Variants in CADM2 observed in about 807,000 individuals in gnomAD.
CADM2 encodes the protein cell adhesion molecule 2, also known as immunoglobulin superfamily member 4D.
CADM2 carries 12 observed loss-of-function variants against 49.8 expected under a neutral mutation model. That is an observed-to-expected ratio of 0.24 (90% CI 0.15 to 0.39). CADM2 has a LOEUF of 0.39. Ranked by LOEUF, CADM2 falls within the 10% of genes least tolerant of loss-of-function variation. The pLI, the probability that CADM2 is intolerant of heterozygous loss-of-function variation, is 1.00. For missense variants in CADM2, 378 were observed against 492.3 expected (o/e 0.77, Z 2.20); for synonymous variants, 214 against 175.4 (o/e 1.22, Z -1.74).
chr3:85,979,324 A>G (rs1241583325), intron 8 of CADM2: 3 of 1,595,932 alleles, frequency 1.9e-6, no homozygotes, highest in Non-Finnish European at 2.6e-6. Flanking sequence ...AAGCACATTA[A>G]CTGGAGCTCT....
Position 85,419,136 on chromosome 3 carries a change from A to G in CADM2, c.62-307386A>G, listed in dbSNP as rs1388131433. The stretch of plus-strand genomic sequence containing the variant: ...CATTTAGACTAGCCACTCATTGCAC[A>G]ACATTGACCACATTCTTTGAATAAA... On this transcript the variant is annotated intron_variant, in intron 1 of 9. Coordinates refer to ENST00000383699, the MANE Select transcript of CADM2 (RefSeq NM_001167675.2). Among the ~76,000 whole-genome samples the G allele has an allele frequency of 2.0e-5, 3 of 152,246 alleles. No homozygotes were observed. The East Asian group carries it at 5.8e-4, about 29-fold the overall frequency.
intron 7 of CADM2, among the ~76,000 whole-genome samples, chr3:85,949,846 T>C (rs1723231913): frequency 6.6e-6 from 1 of 150,970 alleles, no homozygotes; most frequent in Non-Finnish European, 1.5e-5. Context: ...AAGGAAGTAA[T>C]GGGTTGTAAA....
chr3:85,416,458 C>T (rs376474756), intron 1 of CADM2, among the ~76,000 whole-genome samples: 3 of 152,134 alleles, frequency 2.0e-5, no homozygotes, highest in East Asian at 3.9e-4. Flanking sequence ...TATTAGAAAA[C>T]GTAAAAAATT....
chr3:85,406,670 A>G (rs974153324), intron 1 of CADM2, among the ~76,000 whole-genome samples: 1 of 152,100 alleles, frequency 6.6e-6, no homozygotes, highest in Non-Finnish European at 1.5e-5. Flanking sequence ...GTAAAATGGA[A>G]CTACCCTCTC....
chr3:85,864,418 G>A (rs1048914618), intron 3 of CADM2, among the ~76,000 whole-genome samples: 4 of 152,054 alleles, frequency 2.6e-5, no homozygotes, highest in African/African-American at 7.2e-5. Context: ...CCCTTCTTAA[G>A]TATTTCTTCA....
chr3:85,842,199 T>A (rs2074668743), intron 3 of CADM2, among the ~76,000 whole-genome samples: 1 of 151,992 alleles, frequency 6.6e-6, no homozygotes, highest in Non-Finnish European at 1.5e-5. Context: ...AGAAGGAAAA[T>A]CTGTTCTGCG....
intron 1 of CADM2, among the ~76,000 whole-genome samples, chr3:85,550,438 G>A (rs62253967): frequency 0.59 from 90,319 of 151,908 alleles, 28,329 homozygotes; most frequent in East Asian, 0.93. Flanking sequence ...CTACAATTGC[G>A]AATTCTCAGT....
chr3:85,225,343 A>T (rs901706908), intron 1 of CADM2, among the ~76,000 whole-genome samples: 1 of 152,134 alleles, frequency 6.6e-6, no homozygotes, highest in Non-Finnish European at 1.5e-5. Flanking sequence ...ATTCCTAGGT[A>T]TTTAATTCTC....
At chr3:85,757,834 T>C (rs1470982969) in intron 2 of CADM2, among the ~76,000 whole-genome samples, 1 of 152,132 alleles carries the variant, frequency 6.6e-6, no homozygotes, top group African/African-American at 2.4e-5. Flanking sequence ...AAATCTTTAA[T>C]GATTGACATT....
Position 85,448,258 on chromosome 3 carries a change from G to A in CADM2, c.62-278264G>A, listed in dbSNP as rs539025607. On this transcript the variant is annotated intron_variant, in intron 1 of 9. Coordinates refer to ENST00000383699, the MANE Select transcript of CADM2 (RefSeq NM_001167675.2). ...TGAGGCAGGAGAATGGCGAGAACCC[G>A]GAAGGCGGAGCTTGCAGTGAGCCGA... 5.7e-3 allele frequency among the ~76,000 whole-genome samples: 852 copies of A among 150,064 alleles called. 1 individual carries two copies. Among genetic ancestry groups the A allele is most frequent in the Non-Finnish European group, 9.4e-3 (634 of 67,804 alleles).
intron 1 of CADM2, among the ~76,000 whole-genome samples, chr3:84,991,524 C>T (rs542056203): frequency 3.3e-5 from 5 of 152,266 alleles, no homozygotes; most frequent in Admixed American, 3.3e-4. Context: ...TAGTCTTCTA[C>T]ACACATGTTA....
chr3:85,920,191 A>T (rs1718918187), intron 6 of CADM2, among the ~76,000 whole-genome samples: 1 of 151,894 alleles, frequency 6.6e-6, no homozygotes, highest in Non-Finnish European at 1.5e-5. Context: ...TCCAAGGAGC[A>T]TTCAAAATAA....
chr3:85,905,723 A>G (rs1173671460), intron 5 of CADM2, among the ~76,000 whole-genome samples: 2 of 152,182 alleles, frequency 1.3e-5, no homozygotes, highest in Non-Finnish European at 2.9e-5. Flanking sequence ...TATTTTATGA[A>G]TACATAATTT....
At chr3:85,154,553 G>A (rs1454238798) in intron 1 of CADM2, among the ~76,000 whole-genome samples, 1 of 151,834 alleles carries the variant, frequency 6.6e-6, no homozygotes, top group Non-Finnish European at 1.5e-5. Context: ...AATCTAGCAA[G>A]GCAGGCCAAC....
At position 86,071,963 on chromosome 3, in the gene CADM2, T is replaced by A. The variant is rs546474363; in HGVS notation, c.*5180T>A. ...TTAAGTAAAAATCATGTATATGAAT[T>A]ATTTTACCAAGTAGTATTATCTGCA... On this transcript the variant is annotated 3_prime_UTR_variant, in exon 10 of 10. Coordinates refer to ENST00000383699, the MANE Select transcript of CADM2 (RefSeq NM_001167675.2). 4.6e-5 allele frequency: 7 copies of A among 151,906 alleles called. No individual in the cohort carries two copies. The South Asian group carries it at 1.0e-3, about 22-fold the overall frequency. The allele number at this position is 151,906 out of a possible 1,614,324, so 9.4% of individuals were successfully genotyped here.
intron 3 of CADM2, among the ~76,000 whole-genome samples, chr3:85,826,640 A>G (rs181146202): frequency 6.6e-6 from 1 of 152,038 alleles, no homozygotes; most frequent in East Asian, 1.9e-4. Context: ...AGGGTTGGAG[A>G]AGAATAAACA....
chr3:85,495,768 G>C (rs1183758087), intron 1 of CADM2, among the ~76,000 whole-genome samples: 1 of 151,906 alleles, frequency 6.6e-6, no homozygotes, highest in Non-Finnish European at 1.5e-5. Context: ...GAGATGCCAG[G>C]CTCTTTTAAA....
intron 5 of CADM2, among the ~76,000 whole-genome samples, chr3:85,899,022 G>A (rs1382250183): frequency 2.3e-5 from 3 of 129,148 alleles, no homozygotes; most frequent in African/African-American, 5.7e-5. Context: ...TTGGAGTGCA[G>A]CGGTGCAATC....
At chr3:85,082,726 AT>A (rs1401553515) in intron 1 of CADM2, among the ~76,000 whole-genome samples, 2 of 152,030 alleles carry the variant, frequency 1.3e-5, no homozygotes, top group African/African-American at 4.8e-5. Context: ...CAGTGGGATG[AT>A]TTTTCAGTAA....
Sources: gnomAD v4.1 joint callset for allele counts (sites outside exome capture counted in the v4.1 genomes callset) on GRCh38, gnomAD v4.1.1 for gene constraint, MANE v1.5 for transcripts, NCBI Gene and HGNC (gene_info 2026-07-23, HGNC 2026-07-21) for gene names.